Variants in NAALADL2 observed in about 807,000 individuals in gnomAD.
NAALADL2 encodes the protein inactive N-acetylated-alpha-linked acidic dipeptidase-like protein 2.
A neutral mutation model predicts 87.2 loss-of-function variants in NAALADL2; 76 were observed. The ratio of observed to expected loss-of-function variants is 0.87; its 90% confidence interval spans 0.72 to 1.05. The LOEUF (loss-of-function observed/expected upper bound fraction) is 1.05. NAALADL2 is among the 50% of genes least tolerant of loss of function. NAALADL2 has a pLI of 0.00. For synonymous variants in NAALADL2, 354 were observed against 331.0 expected (o/e 1.07, Z -0.75); for missense variants, 1,089 against 945.8 (o/e 1.15, Z -1.99).
At chr3:175,801,205 G>A (rs1430412488) in intron 13 of NAALADL2, among the ~76,000 whole-genome samples, 1 of 152,148 alleles carries the variant, frequency 6.6e-6, no homozygotes, top group African/African-American at 2.4e-5. Context: ...TCTGGACTAA[G>A]TGGTCTTCTG....
intron 1 of NAALADL2, among the ~76,000 whole-genome samples, chr3:175,013,474 GT>G (rs1750424147): frequency 6.7e-6 from 1 of 149,186 alleles, no homozygotes; most frequent in African/African-American, 2.5e-5. Flanking sequence ...AATTTTTATA[GT>G]TTTAGTAGAG....
chr3:174,642,922 A>C (rs1723398474), intron 2 of NAALADL2, among the ~76,000 whole-genome samples: 1 of 151,894 alleles, frequency 6.6e-6, no homozygotes, highest in Admixed American at 6.6e-5. Flanking sequence ...AGCTGGGACT[A>C]TAGGCACATG....
intron 2 of NAALADL2, among the ~76,000 whole-genome samples, chr3:175,223,243 G>A (rs367927546): frequency 1.3e-5 from 2 of 151,250 alleles, no homozygotes; most frequent in Non-Finnish European, 2.9e-5. Context: ...ATTACTGAAC[G>A]TTTGTACCTT....
intron 11 of NAALADL2, among the ~76,000 whole-genome samples, chr3:175,729,661 C>T (rs1380090075): frequency 6.6e-6 from 1 of 152,094 alleles, no homozygotes; most frequent in African/African-American, 2.4e-5. Context: ...TTGTTCTGAC[C>T]ATGAGTCATC....
At chr3:175,181,747 A>ATATATGTG (rs1736566155) in intron 2 of NAALADL2, among the ~76,000 whole-genome samples, 1 of 31,626 alleles carries the variant, frequency 3.2e-5, no homozygotes, top group Non-Finnish European at 6.9e-5. Flanking sequence ...GTATATATGT[A>ATATATGTG]TATATATGTG....
intron 13 of NAALADL2, among the ~76,000 whole-genome samples, chr3:175,763,192 G>T (rs1414875802): frequency 6.6e-6 from 1 of 152,070 alleles, no homozygotes; most frequent in Non-Finnish European, 1.5e-5. Context: ...CAGTAGAAAA[G>T]ACTTCTCTCT....
At position 175,233,968 on chromosome 3, in the gene NAALADL2, G is replaced by A; in HGVS notation, c.583G>A (p.Glu195Lys). 6.2e-7 allele frequency: 1 copy of A among 1,600,508 alleles called. No individual in the cohort carries two copies. The highest frequency in any genetic ancestry group is 8.5e-7 in the Non-Finnish European group (1 of 1,170,866). ...VQLYKNEDDMEISKKIKTQWT... is the reference protein window; with the variant it reads ...VQLYKNEDDMKISKKIKTQWT... ...ACTATATAAAAATGAAGATGACATG[G>A]AAATTTCAAAGAAGATTAAGACTCA... Residue 195 changes from glutamate (E) to lysine (K), a missense_variant, in exon 3 of 14, where the codon GAA becomes AAA. Glu to Lys is a moderately conservative substitution (Grantham distance 56). Transcript: ENST00000454872.
chr3:175,156,689 CCCT>C (rs144391023), intron 2 of NAALADL2, among the ~76,000 whole-genome samples: 26,696 of 151,816 alleles, frequency 0.18, 2,934 homozygotes, highest in African/African-American at 0.31. Context: ...AAAATGCTGA[CCCT>C]CAGAGGACTT....
chr3:174,853,103 A>T (rs6797881), intron 3 of NAALADL2, among the ~76,000 whole-genome samples: 5 of 150,530 alleles, frequency 3.3e-5, no homozygotes, highest in South Asian at 2.1e-4. Context: ...CAGTGGCTCA[A>T]GCCTGTAATC....
In NAALADL2 at chr3:175,203,979, G is replaced by A. The variant is rs1413378408; in HGVS notation, c.546-29952G>A. ...AAAATTACCAACAGAAAAAAGGCCA[G>A]GGCCAGACAAATTGACAGCAAAATT... On this transcript the variant is annotated intron_variant, in intron 2 of 13. Coordinates refer to ENST00000454872, the MANE Select transcript of NAALADL2 (RefSeq NM_207015.3). Among the ~76,000 whole-genome samples, 3 of 152,124 alleles carry A rather than the reference G, an allele frequency of 2.0e-5. No individual in the cohort carries two copies. The South Asian group carries it at 6.2e-4, about 32-fold the overall frequency.
intron 9 of NAALADL2, among the ~76,000 whole-genome samples, chr3:175,536,455 C>G (rs373216713): frequency 2.7e-4 from 41 of 152,054 alleles, no homozygotes; most frequent in African/African-American, 9.6e-4. Context: ...TAAGGAAAGT[C>G]TTTTTTGCTA....
chr3:174,893,868 T>G (rs1731173079), intron 1 of NAALADL2, among the ~76,000 whole-genome samples: 2 of 152,016 alleles, frequency 1.3e-5, no homozygotes, highest in Non-Finnish European at 2.9e-5. Flanking sequence ...CCTAACTTAT[T>G]AATAATAACA....
In NAALADL2 at chr3:175,793,415, T is replaced by C. The variant is rs566620511; in HGVS notation, c.2190-9590T>C. On this transcript the variant is annotated intron_variant, in intron 13 of 13. Coordinates refer to ENST00000454872, the MANE Select transcript of NAALADL2 (RefSeq NM_207015.3). ...AGCTCGGCCACCCGTGTTCACGCCA[T>C]TCTCCTGCCTCACCCTCCCGAGTAG... 2.2e-3 allele frequency among the ~76,000 whole-genome samples: 336 copies of C among 150,606 alleles called. 1 individual carries two copies. Among genetic ancestry groups the C allele is most frequent in the African/African-American group, 7.9e-3 (323 of 41,072 alleles).
intron 2 of NAALADL2, among the ~76,000 whole-genome samples, chr3:174,709,237 A>C (rs1168976584): frequency 1.3e-5 from 2 of 152,158 alleles, no homozygotes; most frequent in Non-Finnish European, 2.9e-5. Context: ...AAGGTCAGAC[A>C]TATTCATTAT....
chr3:174,839,563 C>A (rs1442427368), intron 3 of NAALADL2, among the ~76,000 whole-genome samples: 1 of 152,064 alleles, frequency 6.6e-6, no homozygotes, highest in Non-Finnish European at 1.5e-5. Flanking sequence ...AGACAACCCA[C>A]AGAGTGAGAG....
chr3:175,707,496 T>A (rs1411704554), intron 11 of NAALADL2, among the ~76,000 whole-genome samples: 3 of 152,110 alleles, frequency 2.0e-5, no homozygotes, highest in African/African-American at 4.8e-5. Flanking sequence ...TCATCAACTT[T>A]GTCATCTATT....
chr3:175,286,538 G>A (rs1009057534), intron 4 of NAALADL2, among the ~76,000 whole-genome samples: 1 of 152,024 alleles, frequency 6.6e-6, no homozygotes, highest in Non-Finnish European at 1.5e-5. Context: ...TTCCAACAAC[G>A]TTTACTAGAT....
chr3:174,862,994 A>C (rs1321177801), intron 1 of NAALADL2, among the ~76,000 whole-genome samples: 1 of 152,072 alleles, frequency 6.6e-6, no homozygotes, highest in Non-Finnish European at 1.5e-5. Flanking sequence ...TCTAGATAGC[A>C]ACCAGCAGGA....
At position 175,314,563 on chromosome 3, in the gene NAALADL2, C is replaced by CTATATATA. The variant is rs57049565; in HGVS notation, c.940-9583_940-9576dup. 7.9e-3 allele frequency among the ~76,000 whole-genome samples: 549 copies of CTATATATA among 69,576 alleles called. 12 individuals carry two copies. Among genetic ancestry groups the CTATATATA allele is most frequent in the Non-Finnish European group, 9.1e-3 (329 of 36,020 alleles). 45.6% of individuals were successfully genotyped at this position (69,576 alleles called of 152,430 possible). A position where few individuals can be genotyped will look rare whatever the true frequency, so the allele number is the denominator to read the frequency against. On this transcript the variant is annotated intron_variant, in intron 4 of 13. Coordinates refer to ENST00000454872, the MANE Select transcript of NAALADL2 (RefSeq NM_207015.3). ...ATTAATACTTACCTTCACATTCTAA[C>CTATATATA]TATATATATATATATATATATATAT...
Sources: allele counts gnomAD v4.1 joint callset (sites outside exome capture counted in the v4.1 genomes callset), GRCh38; gene constraint gnomAD v4.1.1; transcripts MANE v1.5; gene names NCBI Gene and HGNC (gene_info 2026-07-23, HGNC 2026-07-21).